The following GSK3B variants were observed in gnomAD, a reference collection of about 807,000 sequenced individuals.
The protein encoded by GSK3B is glycogen synthase kinase-3 beta.
In GSK3B, 15 loss-of-function variants were observed where a neutral mutation model predicts 56.4. That is an observed-to-expected ratio of 0.27 (90% CI 0.18 to 0.41). The LOEUF is 0.41. GSK3B is among the 10% of genes least tolerant of loss of function. The pLI, the probability that GSK3B is intolerant of heterozygous loss-of-function variation, is 1.00. For missense variants in GSK3B, 300 were observed against 513.4 expected, an observed-to-expected ratio of 0.58 and a Z score of 4.02; for synonymous variants, 181 against 188.9, an observed-to-expected ratio of 0.96 and a Z score of 0.34.
intron 7 of GSK3B, among the ~76,000 whole-genome samples, chr3:119,894,212 A>G (rs571614479): frequency 3.3e-5 from 5 of 152,200 alleles, no homozygotes; most frequent in African/African-American, 1.2e-4. Flanking sequence ...TTTTGGCTAT[A>G]TAACATTGCT....
chr3:120,093,265 A>G, intron 1 of GSK3B, 82 bp downstream of exon 1: 2 of 932,856 alleles, frequency 2.1e-6, no homozygotes, highest in Middle Eastern at 4.8e-4. Context: ...AGGAGGTCTA[A>G]TAATTTCAGA....
intron 1 of GSK3B, among the ~76,000 whole-genome samples, chr3:120,036,025 C>T (rs958741536): frequency 6.6e-6 from 1 of 152,324 alleles, no homozygotes; most frequent in African/African-American, 2.4e-5. Context: ...AAAGTGGCAG[C>T]AGAGGACACC....
At chr3:119,983,200 A>G (rs776221801) in intron 2 of GSK3B, among the ~76,000 whole-genome samples, 1 of 152,204 alleles carries the variant, frequency 6.6e-6, no homozygotes, top group Non-Finnish European at 1.5e-5. Flanking sequence ...GAGCTCCTGA[A>G]GGAGGAACTA....
intron 1 of GSK3B, among the ~76,000 whole-genome samples, chr3:120,055,727 T>C (rs1450061457): frequency 1.3e-5 from 2 of 152,194 alleles, no homozygotes; most frequent in Non-Finnish European, 2.9e-5. Context: ...CAGATATGTC[T>C]ACTGTTTCAT....
intron 1 of GSK3B, among the ~76,000 whole-genome samples, chr3:120,090,766 C>T (rs2058505412): frequency 6.6e-6 from 1 of 152,202 alleles, no homozygotes; most frequent in African/African-American, 2.4e-5. Context: ...ACGTCTTATT[C>T]AGCAACCAAC....
At chr3:120,005,943 A>G (rs1394327219) in intron 1 of GSK3B, among the ~76,000 whole-genome samples, 2 of 152,224 alleles carry the variant, frequency 1.3e-5, no homozygotes, top group Admixed American at 6.5e-5. Context: ...CCTTAAATGT[A>G]AATGGGCTAA....
At chr3:119,834,429 A>C (rs1181471232) in intron 10 of GSK3B, among the ~76,000 whole-genome samples, 1 of 152,232 alleles carries the variant, frequency 6.6e-6, no homozygotes, top group Non-Finnish European at 1.5e-5. Flanking sequence ...TGATTATAAA[A>C]ATAGCAGTAA....
chr3:119,992,017 A>C (rs1289028787), intron 2 of GSK3B, among the ~76,000 whole-genome samples: 1 of 152,090 alleles, frequency 6.6e-6, no homozygotes, highest in Non-Finnish European at 1.5e-5. Context: ...GGCTAAGATA[A>C]TTCAAGCTCA....
At chr3:119,869,236 A>AAACC (rs988678484) in intron 8 of GSK3B, among the ~76,000 whole-genome samples, 2 of 148,744 alleles carry the variant, frequency 1.3e-5, no homozygotes, top group African/African-American at 5.1e-5. Flanking sequence ...AAAAAAAAAA[A>AAACC]AAAAAAAAAA....
intron 1 of GSK3B, among the ~76,000 whole-genome samples, chr3:120,046,751 G>A (rs1209723045): frequency 3.9e-5 from 6 of 152,116 alleles, no homozygotes; most frequent in Non-Finnish European, 8.8e-5. Flanking sequence ...TAGGACTACA[G>A]GCATGCGCCA....
chr3:120,049,818 G>A (rs2058133193), intron 1 of GSK3B, among the ~76,000 whole-genome samples: 1 of 152,184 alleles, frequency 6.6e-6, no homozygotes. Context: ...TTCGGGCTTT[G>A]CAAGCCATAC....
intron 1 of GSK3B, among the ~76,000 whole-genome samples, chr3:120,028,400 A>C (rs571558239): frequency 2.0e-5 from 3 of 152,298 alleles, no homozygotes; most frequent in African/African-American, 7.2e-5. Flanking sequence ...ACTATTTGAA[A>C]CCTTCCAGAC....
intron 1 of GSK3B, among the ~76,000 whole-genome samples, chr3:120,086,057 G>C (rs1343128569): frequency 6.6e-6 from 1 of 152,064 alleles, no homozygotes; most frequent in Non-Finnish European, 1.5e-5. Flanking sequence ...AATGTATCTA[G>C]AAAAGTTCCT....
At chr3:119,992,961 T>G (rs1488481387) in intron 2 of GSK3B, among the ~76,000 whole-genome samples, 2 of 151,652 alleles carry the variant, frequency 1.3e-5, no homozygotes, top group Non-Finnish European at 2.9e-5. Flanking sequence ...CAACAGGCAC[T>G]CATACTTAAC....
chr3:119,865,464 ATATTTTTT>A (rs1407956080), intron 8 of GSK3B, among the ~76,000 whole-genome samples: 469 of 28,270 alleles, frequency 0.017, 1 homozygote, highest in African/African-American at 0.039. Context: ...ATATATATAT[ATATTTTTT>A]TTTTTTTTTT....
chr3:120,053,357 T>G (rs915408634), intron 1 of GSK3B, among the ~76,000 whole-genome samples: 1 of 151,892 alleles, frequency 6.6e-6, no homozygotes, highest in Admixed American at 6.6e-5. Flanking sequence ...GAAAACTACA[T>G]CTATCACAGA....
chr3:119,829,791 A>G (rs527572866), intron 10 of GSK3B, among the ~76,000 whole-genome samples: 2 of 152,350 alleles, frequency 1.3e-5, no homozygotes, highest in Admixed American at 1.3e-4. Context: ...TTTCTGAACA[A>G]TAAAATTTGA....
At chr3:119,827,612 GA>G (rs2055534527) in intron 10 of GSK3B, among the ~76,000 whole-genome samples, 1 of 141,754 alleles carries the variant, frequency 7.1e-6, no homozygotes, top group South Asian at 2.3e-4. Context: ...AAAAAAAAGA[GA>G]GAGAGAGAGA....
chr3:119,844,674 C>A (rs1159355010), intron 9 of GSK3B, among the ~76,000 whole-genome samples: 1 of 151,618 alleles, frequency 6.6e-6, no homozygotes, highest in East Asian at 1.9e-4. Flanking sequence ...TAATTAATAG[C>A]CTACCAACAA....
Sources: allele counts gnomAD v4.1 joint callset (sites outside exome capture counted in the v4.1 genomes callset), GRCh38; gene constraint gnomAD v4.1.1; transcripts MANE v1.5; gene names NCBI Gene and HGNC (gene_info 2026-07-23, HGNC 2026-07-21).